The following DZIP1 variants were observed in gnomAD, a reference collection of about 807,000 sequenced individuals.
DZIP1 encodes the protein cilium assembly protein DZIP1.
DZIP1 carries 97 observed loss-of-function variants against 107.6 expected under a neutral mutation model. The ratio of observed to expected loss-of-function variants is 0.90; its 90% CI spans 0.77 to 1.07. DZIP1 has a LOEUF of 1.07. Ranked by LOEUF, DZIP1 falls within the 50% of genes least tolerant of loss-of-function variation. The probability of loss-of-function intolerance (pLI) is 0.00; values close to 1 mark genes in which losing one functional copy is unlikely to be tolerated. For synonymous variants in DZIP1, 390 were observed against 386.4 expected, an observed-to-expected ratio of 1.01 and a Z score of -0.11; for missense variants, 1,035 against 1,063.6, an observed-to-expected ratio of 0.97 and a Z score of 0.37.
intron 6 of DZIP1, among the ~76,000 whole-genome samples, chr13:95,632,340 C>T (rs759533594): frequency 1.1e-4 from 17 of 152,098 alleles, no homozygotes; most frequent in Non-Finnish European, 1.9e-4. Context: ...AATTGCCTCC[C>T]GACCCTGGCC....
intron 12 of DZIP1, 26 bp from the exon 13 acceptor site, chr13:95,609,539 C>T (rs1555308627): frequency 1.3e-6 from 2 of 1,542,862 alleles, no homozygotes; most frequent in Non-Finnish European, 1.7e-6. Flanking sequence ...AATAAATGAA[C>T]AAAAAACATC....
At chr13:95,587,757 C>T (rs1264778482) in intron 19 of DZIP1, 28 bp from the exon 20 acceptor site, 2 of 1,601,192 alleles carry the variant, frequency 1.2e-6, no homozygotes, top group East Asian at 2.2e-5. Flanking sequence ...GAGATAGGGG[C>T]GCTGTTTTCG....
intron 14 of DZIP1, among the ~76,000 whole-genome samples, chr13:95,602,894 C>T (rs938780985): frequency 1.3e-5 from 2 of 152,232 alleles, no homozygotes; most frequent in African/African-American, 4.8e-5. Flanking sequence ...AGACACAATA[C>T]ACCAGAAGTC....
chr13:95,630,823 T>A (rs1274293089), intron 6 of DZIP1: 43 of 1,042,794 alleles, frequency 4.1e-5, no homozygotes, highest in Non-Finnish European at 5.4e-5. Flanking sequence ...CCTGAAGAAA[T>A]AATACTCGTT....
chr13:95,628,789 G>A lies in DZIP1; in HGVS notation c.810+1200C>T, dbSNP rs1007009633. 4.6e-5 allele frequency among the ~76,000 whole-genome samples: 7 copies of A among 152,144 alleles called. No homozygotes were observed. The South Asian group carries it at 8.3e-4, about 18-fold the overall frequency. ...TAAAATAAGCCAATGATGACAAAAA[G>A]ACAAATACTCTATGCTTCCATTCAT... On this transcript the variant is annotated intron_variant, in intron 7 of 22. Coordinates refer to ENST00000376829, the MANE Select transcript of DZIP1 (RefSeq NM_198968.4).
intron 16 of DZIP1, among the ~76,000 whole-genome samples, chr13:95,590,725 C>T (rs868179107): frequency 1.4e-4 from 22 of 152,294 alleles, no homozygotes; most frequent in Middle Eastern, 6.8e-3. Flanking sequence ...GGGAGGGAGG[C>T]CATCGAAGGC....
rs1254359864 is a variant in DZIP1, at chr13:95,643,689, T to C, written c.-516A>G. The C allele has an allele frequency of 1.3e-5, 2 of 152,552 alleles. No individual in the cohort carries two copies. The highest frequency in any genetic ancestry group is 3.9e-4 in the East Asian group (2 of 5,180). The allele number at this position is 152,552 out of a possible 1,614,324, so 9.4% of individuals were successfully genotyped here. Reference sequence around the variant, plus strand: ...GTGGTCTCTCTTGCTCAAGTATACGTCCCTAGAACCTAGCAGAGGACAGGC... The same window carrying C: ...GTGGTCTCTCTTGCTCAAGTATACGCCCCTAGAACCTAGCAGAGGACAGGC... On this transcript the variant is annotated 5_prime_UTR_variant, in exon 2 of 23. Transcript: ENST00000376829.
intron 5 of DZIP1, among the ~76,000 whole-genome samples, chr13:95,635,128 T>C (rs1363841414): frequency 8.5e-5 from 13 of 152,168 alleles, no homozygotes; most frequent in Admixed American, 8.5e-4. Context: ...CATGCTGCCT[T>C]ACTCTTAATC....
rs1037648265 is a variant in DZIP1 at position 95,638,699 on chromosome 13, T to A, written c.597+2596A>T. ...GGGGGAAAAAACCCATTAGGATGCGTGCGTGTGTGTGTCTGTCTGTCTGTG... is the reference window on the plus strand; with the variant it reads ...GGGGGAAAAAACCCATTAGGATGCGAGCGTGTGTGTGTCTGTCTGTCTGTG... On this transcript the variant is annotated intron_variant, in intron 5 of 22. Transcript: ENST00000376829. Among the ~76,000 whole-genome samples the A allele has an allele frequency of 5.9e-5, 9 of 151,698 alleles. No homozygotes were observed. In the East Asian group the frequency reaches 1.8e-3, roughly 30 times the overall value.
At chr13:95,619,040 T>G (rs1041834752) in intron 10 of DZIP1, among the ~76,000 whole-genome samples, 10 of 151,920 alleles carry the variant, frequency 6.6e-5, no homozygotes, top group African/African-American at 2.2e-4. Context: ...TGTAAACAGT[T>G]CTTGCCTTTT....
chr13:95,587,758 G>A (rs750249882), intron 19 of DZIP1, 29 bp from the exon 20 acceptor site: 8 of 1,600,246 alleles, frequency 5.0e-6, no homozygotes, highest in South Asian at 1.1e-5. Context: ...AGATAGGGGC[G>A]CTGTTTTCGT....
At chr13:95,597,927 G>A (rs940674261) in intron 15 of DZIP1, among the ~76,000 whole-genome samples, 7 of 152,172 alleles carry the variant, frequency 4.6e-5, no homozygotes, top group Non-Finnish European at 7.4e-5. Flanking sequence ...TCAGCCTGCA[G>A]GATCTCGTTT....
intron 10 of DZIP1, among the ~76,000 whole-genome samples, chr13:95,614,040 T>G: frequency 6.6e-6 from 1 of 150,988 alleles, no homozygotes. Flanking sequence ...GTGGGAGGGT[T>G]GCTTGACCCC....
intron 8 of DZIP1, among the ~76,000 whole-genome samples, chr13:95,623,985 G>A (rs1489912600): frequency 2.0e-5 from 3 of 147,834 alleles, no homozygotes; most frequent in Non-Finnish European, 4.5e-5. Context: ...TATGTCAGAG[G>A]CCATTCAAAA....
chr13:95,590,366 T>C lies in DZIP1; in HGVS notation c.1756A>G (p.Arg586Gly). The C allele has an allele frequency of 6.2e-7, 1 of 1,613,922 alleles. No individual in the cohort carries two copies. ...ATTTGATGAAAGTTAGGTATTTCTC[T>C]TTCTTGCTTATGTCTTTCTGATTCC... Reference protein sequence around the residue: ...SVESERHKQEREIPNFHQIRE... With the variant: ...SVESERHKQEGEIPNFHQIRE... Residue 586 changes from arginine to glycine, a missense_variant, in exon 17 of 23, where the codon AGA (arginine) becomes GGA (glycine). Physicochemically the swap from Arg to Gly is moderately radical, Grantham distance 125. Transcript: ENST00000376829.
intron 14 of DZIP1, among the ~76,000 whole-genome samples, chr13:95,599,934 A>C (rs1406480429): frequency 5.3e-5 from 8 of 152,228 alleles, no homozygotes; most frequent in Non-Finnish European, 1.2e-4. Context: ...AGCAAGAATG[A>C]GAGCCATTCT....
At chr13:95,598,905 C>T (rs1404768289) in intron 15 of DZIP1, among the ~76,000 whole-genome samples, 5 of 152,090 alleles carry the variant, frequency 3.3e-5, no homozygotes, top group African/African-American at 1.2e-4. Flanking sequence ...ATAAATATTC[C>T]ACATCCAGAA....
chr13:95,610,746 T>G (rs1438993174), intron 12 of DZIP1, among the ~76,000 whole-genome samples: 6 of 152,220 alleles, frequency 3.9e-5, no homozygotes, highest in Non-Finnish European at 5.9e-5. Context: ...AAATGCAAGT[T>G]GAAATTTAAC....
chr13:95,584,723 G>A lies in DZIP1; in HGVS notation c.2524+13C>T. On this transcript the variant is annotated intron_variant, in intron 22 of 22. Transcript: ENST00000376829. Reference sequence around the variant, plus strand: ...AATGGATCGAGCTTGTATTAGAGGGGAAAGCAGCAAACCTTCTCCCTTTGG... The same window carrying A: ...AATGGATCGAGCTTGTATTAGAGGGAAAAGCAGCAAACCTTCTCCCTTTGG... 6.2e-7 allele frequency: 1 copy of A among 1,606,118 alleles called. No individual in the cohort carries two copies. The highest frequency in any genetic ancestry group is 1.1e-5 in the South Asian group (1 of 89,302).
Sources: gnomAD v4.1 joint callset for allele counts (sites outside exome capture counted in the v4.1 genomes callset) on GRCh38, gnomAD v4.1.1 for gene constraint, MANE v1.5 for transcripts, NCBI Gene and HGNC (gene_info 2026-07-23, HGNC 2026-07-21) for gene names.